PLCB1: variants seen among roughly 807,000 people sequenced by gnomAD.
The protein encoded by PLCB1 is 1-phosphatidylinositol 4,5-bisphosphate phosphodiesterase beta-1.
PLCB1 carries 46 observed loss-of-function variants against 161.8 expected under a neutral mutation model. The ratio of observed to expected loss-of-function variants is 0.28; its 90% CI spans 0.22 to 0.36. The LOEUF (loss-of-function observed/expected upper bound fraction) is 0.36, where lower values mean the gene tolerates loss of function less well. Ranked by LOEUF, PLCB1 falls within the 10% of genes least tolerant of loss-of-function variation. The probability of loss-of-function intolerance (pLI) is 1.00; values close to 1 mark genes in which losing one functional copy is unlikely to be tolerated. For missense variants in PLCB1, 1,016 were observed against 1,472.5 expected, an observed-to-expected ratio of 0.69 and a Z score of 5.07; for synonymous variants, 517 against 503.7, an observed-to-expected ratio of 1.03 and a Z score of -0.35.
intron 2 of PLCB1, among the ~76,000 whole-genome samples, chr20:8,163,866 T>C (rs2051650173): frequency 6.6e-6 from 1 of 152,184 alleles, no homozygotes; most frequent in East Asian, 1.9e-4. Context: ...TAACATCCTA[T>C]ACTGGAAGCT....
chr20:8,590,143 G>A (rs1013570165), intron 3 of PLCB1, among the ~76,000 whole-genome samples: 3 of 152,140 alleles, frequency 2.0e-5, no homozygotes, highest in Non-Finnish European at 4.4e-5. Context: ...CCTGAACACG[G>A]AACTTTGAAA....
At chr20:8,345,619 C>T (rs1985975864) in intron 2 of PLCB1, among the ~76,000 whole-genome samples, 1 of 152,128 alleles carries the variant, frequency 6.6e-6, no homozygotes. Context: ...CCCTTAGATG[C>T]CAGCAGCATC....
chr20:8,806,390 T>C (rs779304836), intron 31 of PLCB1, among the ~76,000 whole-genome samples: 1 of 152,118 alleles, frequency 6.6e-6, no homozygotes, highest in Non-Finnish European at 1.5e-5. Context: ...TGAAAACTCA[T>C]AGTTCCCCTC....
rs567727614 is a variant in PLCB1, at chr20:8,349,105, A to C, written c.178-22277A>C. On this transcript the variant is annotated intron_variant, in intron 2 of 31. Coordinates refer to ENST00000338037, the MANE Select transcript of PLCB1 (RefSeq NM_015192.4). ...TACACACATATACATATAACAAAACAATATTAAAAACTCCATTGTGTAATA... is the reference window on the plus strand; with the variant it reads ...TACACACATATACATATAACAAAACCATATTAAAAACTCCATTGTGTAATA... 2.0e-5 allele frequency among the ~76,000 whole-genome samples: 3 copies of C among 152,256 alleles called. No individual in the cohort carries two copies. The South Asian group carries it at 6.2e-4, about 32-fold the overall frequency.
chr20:8,451,195 C>G (rs1981060897), intron 3 of PLCB1, among the ~76,000 whole-genome samples: 1 of 152,104 alleles, frequency 6.6e-6, no homozygotes. Context: ...GTCCATGTCA[C>G]AAAGTTATTT....
At chr20:8,550,895 G>A (rs4816068) in intron 3 of PLCB1, among the ~76,000 whole-genome samples, 1 of 151,908 alleles carries the variant, frequency 6.6e-6, no homozygotes, top group Non-Finnish European at 1.5e-5. Context: ...CTCCCCAAGT[G>A]TCTGAATAAT....
intron 3 of PLCB1, among the ~76,000 whole-genome samples, chr20:8,442,591 T>A (rs1008852371): frequency 3.3e-5 from 5 of 152,220 alleles, no homozygotes; most frequent in Admixed American, 3.3e-4. Context: ...CATTTTTTCT[T>A]AATTTAAAGC....
chr20:8,572,412 A>G (rs1986550566), intron 3 of PLCB1, among the ~76,000 whole-genome samples: 1 of 152,158 alleles, frequency 6.6e-6, no homozygotes, highest in Non-Finnish European at 1.5e-5. Context: ...ACACATAATG[A>G]TTAGGATTAT....
Position 8,467,717 on chromosome 20 carries a change from G to C in PLCB1, c.246+96267G>C, listed in dbSNP as rs2122705954. ...CCATCCTTTTCTCCTTTTATCTTTT[G>C]AGCATTTTCCAGGGTGCTTTCATCA... On this transcript the variant is annotated intron_variant, in intron 3 of 31. Transcript: ENST00000338037. Among the ~76,000 whole-genome samples, 2 of 152,110 alleles carry C rather than the reference G, an allele frequency of 1.3e-5. 1 individual carries two copies. The highest frequency in any genetic ancestry group is 6.8e-3 in the Middle Eastern group (2 of 294).
At chr20:8,702,312 A>T (rs1235492941) in intron 11 of PLCB1, among the ~76,000 whole-genome samples, 1 of 151,940 alleles carries the variant, frequency 6.6e-6, no homozygotes, top group African/African-American at 2.4e-5. Flanking sequence ...CCCACCCAAT[A>T]TCCTTTCTCC....
intron 3 of PLCB1, among the ~76,000 whole-genome samples, chr20:8,600,429 G>C (rs1300831281): frequency 6.9e-5 from 10 of 145,830 alleles, no homozygotes; most frequent in Non-Finnish European, 1.2e-4. Context: ...AGGGGTCAGG[G>C]ACCCACTTGA....
chr20:8,353,604 CTG>C (rs1340733919), intron 2 of PLCB1, among the ~76,000 whole-genome samples: 3 of 152,100 alleles, frequency 2.0e-5, no homozygotes, highest in Non-Finnish European at 4.4e-5. Flanking sequence ...CATTTTACCT[CTG>C]TGGTCTCTCT....
intron 8 of PLCB1, among the ~76,000 whole-genome samples, chr20:8,658,308 A>G (rs768661881): frequency 6.6e-6 from 1 of 152,096 alleles, no homozygotes; most frequent in Non-Finnish European, 1.5e-5. Flanking sequence ...CCCATTTGGT[A>G]TTTTGCAAGA....
chr20:8,828,396 T>G (rs1985816270), intron 31 of PLCB1, among the ~76,000 whole-genome samples: 1 of 152,218 alleles, frequency 6.6e-6, no homozygotes, highest in Non-Finnish European at 1.5e-5. Flanking sequence ...GCAATGCCAA[T>G]TATCTTCCTT....
chr20:8,635,305 A>AAGGAGAAGGGAAAGGT (rs1249761411), intron 4 of PLCB1, among the ~76,000 whole-genome samples: 5 of 151,952 alleles, frequency 3.3e-5, no homozygotes, highest in Non-Finnish European at 7.4e-5. Flanking sequence ...AAGGGAAAGG[A>AAGGAGAAGGGAAAGGT]AAAGGAAAAG....
At chr20:8,232,245 G>T (rs6039103) in intron 2 of PLCB1, among the ~76,000 whole-genome samples, 12,693 of 151,854 alleles carry the variant, frequency 0.084, 1,561 homozygotes, top group African/African-American at 0.27. Flanking sequence ...GAGAGAGAGA[G>T]AGAGAAAAGA....
intron 9 of PLCB1, among the ~76,000 whole-genome samples, chr20:8,681,925 G>C (rs746447904): frequency 1.3e-5 from 2 of 152,062 alleles, no homozygotes; most frequent in Admixed American, 6.6e-5. Flanking sequence ...AGCACCCACT[G>C]TGCACAAAGC....
intron 2 of PLCB1, among the ~76,000 whole-genome samples, chr20:8,302,477 G>A (rs552956803): frequency 2.1e-4 from 32 of 152,224 alleles, no homozygotes; most frequent in South Asian, 4.1e-4. Context: ...GCTCGATTGC[G>A]TCAAAATTAG....
chr20:8,666,472 G>A (rs1045601333), intron 9 of PLCB1, among the ~76,000 whole-genome samples: 3 of 152,178 alleles, frequency 2.0e-5, no homozygotes, highest in Non-Finnish European at 2.9e-5. Flanking sequence ...AACCTATCAC[G>A]TTATTGTCTT....
Sources: allele counts gnomAD v4.1 joint callset (sites outside exome capture counted in the v4.1 genomes callset), GRCh38; gene constraint gnomAD v4.1.1; transcripts MANE v1.5; gene names NCBI Gene and HGNC (gene_info 2026-07-23, HGNC 2026-07-21).